The following TAF15 variants were observed in gnomAD, a reference collection of about 807,000 sequenced individuals.
TAF15 encodes the protein TATA-box binding protein associated factor 15.
TAF15 carries 37 observed loss-of-function variants against 102.5 expected under a neutral mutation model. The ratio of observed to expected loss-of-function variants is 0.36; its 90% CI spans 0.28 to 0.47. The LOEUF (loss-of-function observed/expected upper bound fraction) is 0.47. TAF15 is among the 20% of genes least tolerant of loss of function. The pLI is 0.99. For synonymous variants in TAF15, 273 were observed against 259.2 expected (o/e 1.05, Z -0.51); for missense variants, 652 against 760.7 (o/e 0.86, Z 1.68).
At chr17:35,833,674 G>C (rs1056899633) in intron 7 of TAF15, 5 of 521,292 alleles carry the variant, frequency 9.6e-6, no homozygotes, top group African/African-American at 9.5e-5. Flanking sequence ...AGAAATAAGA[G>C]TATATTAGAT....
intron 2 of TAF15, among the ~76,000 whole-genome samples, chr17:35,819,781 G>A (rs1304438649): frequency 6.6e-6 from 1 of 152,144 alleles, no homozygotes; most frequent in Non-Finnish European, 1.5e-5. Flanking sequence ...ATTTCTGCAA[G>A]ATTGTGAAAA....
At chr17:35,818,399 CT>C in intron 2 of TAF15, 1 of 152,346 alleles carries the variant, frequency 6.6e-6, no homozygotes, top group Non-Finnish European at 1.5e-5. Flanking sequence ...TGGCCTCTTC[CT>C]TTTCTTAAAT....
chr17:35,824,442 G>T, intron 7 of TAF15, among the ~76,000 whole-genome samples: 1 of 152,164 alleles, frequency 6.6e-6, no homozygotes. Context: ...CACCAGTAGA[G>T]AAACAACTAT....
chr17:35,818,220 C>G (rs535893318), intron 2 of TAF15, among the ~76,000 whole-genome samples: 2 of 152,124 alleles, frequency 1.3e-5, no homozygotes, highest in African/African-American at 4.8e-5. Context: ...CTCAGCCTCC[C>G]GAGTAGCTGA....
At chr17:35,820,299 C>T in intron 4 of TAF15, 33 bp from the exon 5 acceptor site, 1 of 1,613,544 alleles carries the variant, frequency 6.2e-7, no homozygotes, top group Non-Finnish European at 8.5e-7. Flanking sequence ...AAATCAGAGC[C>T]TTCACTAAAT....
chr17:35,817,652 A>G (rs1470746092), intron 1 of TAF15, 64 bp from the exon 2 acceptor site: 2 of 1,448,070 alleles, frequency 1.4e-6, no homozygotes, highest in Non-Finnish European at 1.9e-6. Flanking sequence ...TGTATGAGCT[A>G]AAGTCAGCCT....
chr17:35,814,893 T>C (rs2087177327), intron 1 of TAF15, among the ~76,000 whole-genome samples: 1 of 151,740 alleles, frequency 6.6e-6, no homozygotes. Context: ...TGTATATATA[T>C]AAAACCTAAA....
intron 1 of TAF15, 133 bp downstream of exon 1, chr17:35,809,709 G>C (rs1239946547): frequency 4.0e-6 from 5 of 1,243,700 alleles, no homozygotes; most frequent in African/African-American, 1.5e-5. Context: ...GGGGGCGGCC[G>C]CTGCCGCCGC....
At chr17:35,811,732 T>G (rs191064050) in intron 1 of TAF15, 1 of 152,382 alleles carries the variant, frequency 6.6e-6, no homozygotes, top group African/African-American at 2.4e-5. Flanking sequence ...GTAGAAATTA[T>G]AAGTCAGAGT....
chr17:35,815,925 T>G (rs1284102159), intron 1 of TAF15, among the ~76,000 whole-genome samples: 1 of 152,216 alleles, frequency 6.6e-6, no homozygotes, highest in African/African-American at 2.4e-5. Flanking sequence ...GCCCTCCATA[T>G]TCATAGAAGT....
chr17:35,814,845 T>A (rs1334244678), intron 1 of TAF15, among the ~76,000 whole-genome samples: 1 of 151,000 alleles, frequency 6.6e-6, no homozygotes, highest in Non-Finnish European at 1.5e-5. Flanking sequence ...AGAGTGAGAC[T>A]CTGTCTCAAA....
chr17:35,814,835 A>G (rs922310374), intron 1 of TAF15, among the ~76,000 whole-genome samples: 3 of 151,754 alleles, frequency 2.0e-5, no homozygotes, highest in African/African-American at 7.3e-5. Context: ...CCTGGGTGAT[A>G]GAGTGAGACT....
chr17:35,844,567 G>A lies in TAF15; in HGVS notation c.1268G>A (p.Ser423Asn). ...CGAGGCGGCTATGGTGGAGACAGAA[G>A]TGGGGGTGGCTATGGTGGAGACAGA... ...GDRGGYGGDR[S>N]GGGYGGDRSS... The change falls in exon 15 of 16, where the codon AGT becomes AAT. Residue 423 changes from serine (S) to asparagine (N), a missense_variant. Ser to Asn is a conservative substitution (Grantham distance 46). Around this residue, in one of 3 missense-constraint regions of TAF15, gnomAD observed 368 missense variants for 367.5 expected, o/e 1.00. Coordinates refer to ENST00000605844, the MANE Select transcript of TAF15 (RefSeq NM_139215.3). 1.2e-6 allele frequency: 2 copies of A among 1,600,086 alleles called. No individual in the cohort carries two copies.
chr17:35,826,450 C>T (rs182725998), intron 7 of TAF15, among the ~76,000 whole-genome samples: 14 of 152,238 alleles, frequency 9.2e-5, no homozygotes, highest in Admixed American at 9.2e-4. Flanking sequence ...AACTATTCAT[C>T]TCTGCCCTTG....
chr17:35,827,705 CAA>C (rs1038289629), intron 7 of TAF15, among the ~76,000 whole-genome samples: 2 of 128,734 alleles, frequency 1.6e-5, no homozygotes, highest in Non-Finnish European at 1.7e-5. Context: ...AACTCCATCG[CAA>C]AAAAAAAAAA....
chr17:35,819,302 A>G (rs1328802081), intron 2 of TAF15, among the ~76,000 whole-genome samples: 2 of 152,218 alleles, frequency 1.3e-5, no homozygotes, highest in Non-Finnish European at 2.9e-5. Flanking sequence ...TTTTCTTTGG[A>G]TATTAGAAAG....
At chr17:35,834,499 A>G (rs914435024) in intron 8 of TAF15, 67 bp from the exon 9 acceptor site, 31 of 1,505,682 alleles carry the variant, frequency 2.1e-5, no homozygotes, top group Admixed American at 3.4e-5. Flanking sequence ...GTTTATTACT[A>G]TTTTTTTTGT....
chr17:35,825,111 A>G (rs1288693799), intron 7 of TAF15, among the ~76,000 whole-genome samples: 3 of 152,236 alleles, frequency 2.0e-5, no homozygotes, highest in East Asian at 3.8e-4. Context: ...CTTAGGGACC[A>G]TCTGTCCCCT....
chr17:35,822,568 C>G, intron 5 of TAF15, 72 bp from the exon 6 acceptor site: 1 of 1,435,950 alleles, frequency 7.0e-7, no homozygotes, highest in Non-Finnish European at 9.6e-7. Context: ...CTCTTAACAT[C>G]AGTTTCAGCC....
Sources: allele counts gnomAD v4.1 joint callset (sites outside exome capture counted in the v4.1 genomes callset), GRCh38; gene constraint gnomAD v4.1.1; regional missense constraint gnomAD v4.1.1; transcripts MANE v1.5; gene names NCBI Gene and HGNC (gene_info 2026-07-23, HGNC 2026-07-21).